CD96: variants seen among roughly 807,000 people sequenced by gnomAD.
CD96 encodes the protein CD96 molecule.
CD96 carries 70 observed loss-of-function variants against 71.3 expected under a neutral mutation model. The ratio of observed to expected loss-of-function variants is 0.98; its 90% CI spans 0.81 to 1.20. The LOEUF is 1.20. CD96 is among the 50% of genes most tolerant of loss of function. The probability of loss-of-function intolerance (pLI) is 0.00; values close to 1 mark genes in which losing one functional copy is unlikely to be tolerated. For missense variants in CD96, 742 were observed against 677.5 expected (o/e 1.10, Z -1.06); for synonymous variants, 248 against 233.0 (o/e 1.06, Z -0.59).
Position 111,585,625 on chromosome 3 carries a change from G to T in CD96, c.807+247G>T, listed in dbSNP as rs534308899. ...CTTAAATTTCTCAGAAAAAAAAATA[G>T]TCACAATTTGTTTAAACTTCTCTTT... On this transcript the variant is annotated intron_variant, in intron 5 of 13. Coordinates refer to ENST00000352690, the MANE Select transcript of CD96 (RefSeq NM_005816.5). Among the ~76,000 whole-genome samples, 4 of 152,096 alleles carry T rather than the reference G, an allele frequency of 2.6e-5. No individual in the cohort carries two copies. The East Asian group carries it at 7.7e-4, about 29-fold the overall frequency.
rs1485304370 is a variant in CD96 at position 111,556,985 on chromosome 3, T to G, written c.419-10538T>G. 2.1e-3 allele frequency among the ~76,000 whole-genome samples: 224 copies of G among 109,226 alleles called. 5 individuals carry two copies. The highest frequency in any genetic ancestry group is 5.0e-3 in the Admixed American group (56 of 11,274). 71.7% of individuals were successfully genotyped at this position (109,226 alleles called of 152,430 possible). A position where few individuals can be genotyped will look rare whatever the true frequency, so the allele number is the denominator to read the frequency against. Reference sequence around the variant, plus strand: ...GATGAGCATTTTTTCATGTGTTTTTTGGCAGCATAAATGTCTTCTTTTGAG... The same window carrying G: ...GATGAGCATTTTTTCATGTGTTTTTGGGCAGCATAAATGTCTTCTTTTGAG... On this transcript the variant is annotated intron_variant, in intron 2 of 13. Coordinates refer to ENST00000352690, the MANE Select transcript of CD96 (RefSeq NM_005816.5).
intron 11 of CD96, 32 bp from the exon 12 acceptor site, chr3:111,638,047 G>A (rs1206179999): frequency 2.6e-6 from 3 of 1,168,286 alleles, no homozygotes; most frequent in East Asian, 2.3e-5. Context: ...AAGTTGAGAT[G>A]TCTTGTCCAG....
At chr3:111,569,146 A>T (rs951962770) in intron 3 of CD96, among the ~76,000 whole-genome samples, 2 of 152,162 alleles carry the variant, frequency 1.3e-5, no homozygotes, top group African/African-American at 4.8e-5. Flanking sequence ...TGGAAACTAG[A>T]CCCTATATAT....
chr3:111,646,692 G>A (rs1267645194), intron 12 of CD96, among the ~76,000 whole-genome samples: 1 of 151,876 alleles, frequency 6.6e-6, no homozygotes, highest in African/African-American at 2.4e-5. Flanking sequence ...ATTACTATTT[G>A]ATCCAGCAAT....
intron 2 of CD96, among the ~76,000 whole-genome samples, chr3:111,549,452 T>G (rs1440475723): frequency 6.6e-6 from 1 of 152,170 alleles, no homozygotes. Flanking sequence ...GTGGTTGTTT[T>G]GTTTGATTTT....
At chr3:111,656,459 A>G (rs1197223001), downstream of CD96, among the ~76,000 whole-genome samples, 1 of 152,212 alleles carries the variant, frequency 6.6e-6, no homozygotes, top group Non-Finnish European at 1.5e-5. Context: ...GATATCTAAC[A>G]AAACTATATA....
intron 12 of CD96, among the ~76,000 whole-genome samples, chr3:111,641,018 A>C (rs983270435): frequency 2.0e-5 from 3 of 152,238 alleles, no homozygotes; most frequent in African/African-American, 7.2e-5. Flanking sequence ...GAAACACATC[A>C]AAATGAACCT....
At chr3:111,633,130 G>A (rs566844645) in intron 10 of CD96, among the ~76,000 whole-genome samples, 18 of 152,142 alleles carry the variant, frequency 1.2e-4, no homozygotes, top group Admixed American at 5.2e-4. Flanking sequence ...AATACTTAGA[G>A]GCTGTTTTAG....
intron 10 of CD96, among the ~76,000 whole-genome samples, chr3:111,630,725 A>G (rs1939019044): frequency 6.6e-6 from 1 of 152,224 alleles, no homozygotes; most frequent in Non-Finnish European, 1.5e-5. Context: ...CTTCAGACCA[A>G]TATCCTTGAT....
chr3:111,630,921 C>T (rs1462946891), intron 10 of CD96, among the ~76,000 whole-genome samples: 1 of 152,184 alleles, frequency 6.6e-6, no homozygotes, highest in East Asian at 1.9e-4. Flanking sequence ...ATGATTATCT[C>T]AAAAGATGCA....
At chr3:111,595,900 G>T (rs1419225167) in intron 5 of CD96, among the ~76,000 whole-genome samples, 3 of 152,110 alleles carry the variant, frequency 2.0e-5, no homozygotes, top group Non-Finnish European at 2.9e-5. Flanking sequence ...CATGGATCTT[G>T]CCTGTAGTCC....
rs1413023502 is a variant in CD96 at position 111,570,953 on chromosome 3, G to A, written c.543+3306G>A. On this transcript the variant is annotated intron_variant, in intron 3 of 13. Coordinates refer to ENST00000352690, the MANE Select transcript of CD96 (RefSeq NM_005816.5). The stretch of plus-strand genomic sequence containing the variant: ...CGTCAAAGTAGGGGGTCTTGAGTGG[G>A]CTGTGCTCTGAGGCCACCAGAGTGA... 14 of 1,553,776 alleles carry A rather than the reference G, an allele frequency of 9.0e-6. No homozygotes were observed. The East Asian group carries it at 2.7e-4, about 30-fold the overall frequency.
chr3:111,544,496 C>T (rs761637580), intron 1 of CD96, among the ~76,000 whole-genome samples: 32 of 152,076 alleles, frequency 2.1e-4, no homozygotes, highest in Non-Finnish European at 3.7e-4. Context: ...CAGTTTCTTC[C>T]TCATAAAAAG....
intron 2 of CD96, among the ~76,000 whole-genome samples, chr3:111,567,211 C>G: frequency 6.6e-6 from 1 of 152,122 alleles, no homozygotes; most frequent in East Asian, 1.9e-4. Flanking sequence ...TCTATCTGAT[C>G]AAGGAAATGG....
At chr3:111,631,717 A>G (rs1576414137) in intron 10 of CD96, among the ~76,000 whole-genome samples, 1 of 152,212 alleles carries the variant, frequency 6.6e-6, no homozygotes, top group African/African-American at 2.4e-5. Context: ...ATGCTACCCA[A>G]CTTCAAACTA....
At chr3:111,569,135 T>G (rs2107552095) in intron 3 of CD96, among the ~76,000 whole-genome samples, 1 of 152,312 alleles carries the variant, frequency 6.6e-6, no homozygotes, top group East Asian at 1.9e-4. Context: ...GTGGACAGTC[T>G]TGGAAACTAG....
chr3:111,587,691 A>C (rs1276573207), intron 5 of CD96, among the ~76,000 whole-genome samples: 1 of 152,210 alleles, frequency 6.6e-6, no homozygotes, highest in African/African-American at 2.4e-5. Context: ...GCATCCAGGC[A>C]TTCCCATACA....
At chr3:111,604,735 T>C (rs1044845231) in intron 7 of CD96, among the ~76,000 whole-genome samples, 1 of 152,206 alleles carries the variant, frequency 6.6e-6, no homozygotes. Flanking sequence ...CGCACCAATA[T>C]CTTCTGTTCC....
chr3:111,660,853 T>C (rs904118029), intron 14 of CD96, among the ~76,000 whole-genome samples: 7 of 152,182 alleles, frequency 4.6e-5, no homozygotes, highest in Non-Finnish European at 1.0e-4. Context: ...TCTTTCACCA[T>C]ATAAAAAAAT....
Sources: allele counts gnomAD v4.1 joint callset (sites outside exome capture counted in the v4.1 genomes callset), GRCh38; gene constraint gnomAD v4.1.1; transcripts MANE v1.5; gene names NCBI Gene and HGNC (gene_info 2026-07-23, HGNC 2026-07-21).